Variants in TMC2 observed in about 807,000 individuals in gnomAD.
The protein encoded by TMC2 is transmembrane channel-like protein 2.
In TMC2, 102 loss-of-function variants were observed where a neutral mutation model predicts 105.9. The ratio of observed to expected loss-of-function variants is 0.96; its 90% confidence interval spans 0.82 to 1.14. The LOEUF is 1.14. TMC2 is among the 50% of genes most tolerant of loss of function. The probability of loss-of-function intolerance (pLI) is 0.00; values close to 1 mark genes in which losing one functional copy is unlikely to be tolerated. For synonymous variants in TMC2, 402 were observed against 422.8 expected, an observed-to-expected ratio of 0.95 and a Z score of 0.60; for missense variants, 1,093 against 1,134.3, an observed-to-expected ratio of 0.96 and a Z score of 0.52.
At position 2,608,989 on chromosome 20, in the gene TMC2, A is replaced by T. The variant is rs138123601; in HGVS notation, c.1414-1430A>T. On this transcript the variant is annotated intron_variant, in intron 11 of 19. Transcript: ENST00000358864. Reference sequence around the variant, plus strand: ...TGGAGGAAAGACAAAGGAGAAAACTATTAACTGAATACCTACAATAGACCT... The same window carrying T: ...TGGAGGAAAGACAAAGGAGAAAACTTTTAACTGAATACCTACAATAGACCT... 1.2e-3 allele frequency among the ~76,000 whole-genome samples: 180 copies of T among 152,340 alleles called. 1 individual carries two copies. The highest frequency in any genetic ancestry group is 3.9e-3 in the African/African-American group (164 of 41,588).
At chr20:2,639,920 A>G (rs1216740404) in intron 19 of TMC2, among the ~76,000 whole-genome samples, 1 of 152,190 alleles carries the variant, frequency 6.6e-6, no homozygotes, top group Non-Finnish European at 1.5e-5. Context: ...CTGCACGCAG[A>G]CACTTTAGCC....
intron 17 of TMC2, among the ~76,000 whole-genome samples, chr20:2,625,657 A>G (rs1215464392): frequency 2.0e-5 from 3 of 152,232 alleles, no homozygotes; most frequent in Non-Finnish European, 4.4e-5. Flanking sequence ...AGGGATAGTT[A>G]GGCTGTTTCC....
rs2060025573 is a variant in TMC2 at position 2,558,941 on chromosome 20, G to T, written c.401+167G>T. Among the ~76,000 whole-genome samples the T allele has an allele frequency of 6.6e-6, 1 of 152,172 alleles. No homozygotes were observed. Among genetic ancestry groups the T allele is most frequent in the African/African-American group, 2.4e-5 (1 of 41,454 alleles). ...AGCCCTTACCACTGCCCCACTCTGC[G>T]GTGGGTTCTTCATCCCAGAACCGGG... On this transcript the variant is annotated intron_variant, in intron 3 of 19. Transcript: ENST00000358864. The surrounding 1 kb of genome is among the most constrained non-coding windows in gnomAD (Gnocchi z 4.6).
intron 9 of TMC2, among the ~76,000 whole-genome samples, chr20:2,596,353 C>T (rs539645800): frequency 6.6e-5 from 10 of 152,182 alleles, no homozygotes; most frequent in East Asian, 5.8e-4. Flanking sequence ...AGTACCGGGC[C>T]GGGCGTGGTG....
chr20:2,614,289 G>A (rs2086464476), intron 14 of TMC2, among the ~76,000 whole-genome samples: 1 of 152,130 alleles, frequency 6.6e-6, no homozygotes, highest in African/African-American at 2.4e-5. Flanking sequence ...AAGCATGTGA[G>A]AATATCCAGA....
Position 2,617,331 on chromosome 20 carries a change from C to T in TMC2, c.2180+20C>T, listed in dbSNP as rs759982013. On this transcript the variant is annotated intron_variant, in intron 16 of 19. Coordinates refer to ENST00000358864, the MANE Select transcript of TMC2 (RefSeq NM_080751.3). ...GTTCAGGTGCAGAGTCTCAGTTGCC[C>T]GGGAGCACCTCCCCTCCCGAGGCAG... 6.2e-6 allele frequency: 10 copies of T among 1,613,664 alleles called. No homozygotes were observed. Among genetic ancestry groups the T allele is most frequent in the South Asian group, 3.3e-5 (3 of 91,054 alleles).
At chr20:2,598,043 G>T (rs1464658639) in intron 10 of TMC2, among the ~76,000 whole-genome samples, 2 of 152,164 alleles carry the variant, frequency 1.3e-5, no homozygotes, top group Non-Finnish European at 2.9e-5. Flanking sequence ...CTCCCCAAGT[G>T]ATTAGAATAC....
intron 10 of TMC2, among the ~76,000 whole-genome samples, chr20:2,601,045 A>AC (rs1353179223): frequency 4.6e-5 from 7 of 151,610 alleles, no homozygotes; most frequent in African/African-American, 1.7e-4. Context: ...ATCCAAAAAA[A>AC]ACCCATAAAA....
At chr20:2,607,600 T>C (rs889172036) in intron 11 of TMC2, among the ~76,000 whole-genome samples, 11 of 152,238 alleles carry the variant, frequency 7.2e-5, no homozygotes, top group African/African-American at 2.7e-4. Context: ...TTAGCCATTT[T>C]GACATCCTCC....
intron 12 of TMC2, among the ~76,000 whole-genome samples, chr20:2,611,257 C>T (rs2086435970): frequency 6.6e-6 from 1 of 152,132 alleles, no homozygotes. Context: ...AAAGGAGGGC[C>T]CGATGATGCT....
rs146379281 is a variant in TMC2 at position 2,606,322 on chromosome 20, C to T, written c.1413+4021C>T. Among the ~76,000 whole-genome samples the T allele has an allele frequency of 2.8e-3, 423 of 152,272 alleles. 2 individuals are homozygous for T. The highest frequency in any genetic ancestry group is 0.014 in the Admixed American group (211 of 15,294). ...TCACCCAGGCTGGAGTGCAGTGGCA[C>T]GATCTTGGCTCACTGCAACCTCCAC... is the stretch of plus-strand genomic sequence containing the variant. On this transcript the variant is annotated intron_variant, in intron 11 of 19. Coordinates refer to ENST00000358864, the MANE Select transcript of TMC2 (RefSeq NM_080751.3).
intron 7 of TMC2, among the ~76,000 whole-genome samples, chr20:2,583,471 T>TG (rs1459734246): frequency 5.3e-5 from 8 of 151,862 alleles, no homozygotes; most frequent in Admixed American, 2.6e-4. Context: ...CACTTTTTTT[T>TG]TTTTTTTTTG....
chr20:2,569,027 TC>T (rs764090415), intron 4 of TMC2, among the ~76,000 whole-genome samples: 1 of 152,134 alleles, frequency 6.6e-6, no homozygotes, highest in African/African-American at 2.4e-5. Flanking sequence ...AACACCTTCT[TC>T]CATCTGCCCT....
At chr20:2,596,331 G>C (rs2086306319) in intron 9 of TMC2, among the ~76,000 whole-genome samples, 1 of 152,138 alleles carries the variant, frequency 6.6e-6, no homozygotes, top group African/African-American at 2.4e-5. Flanking sequence ...TGATGGTTTT[G>C]CAATTAAAAG....
In TMC2 at chr20:2,594,828, T is replaced by C; in HGVS notation, c.937T>C (p.Tyr313His). The change falls in exon 9 of 20, where the codon TAT becomes CAT. Residue 313 changes from tyrosine to histidine, a missense_variant. Transcript: ENST00000358864. ...ATTTGGCTTTGCTGTCCCCCAGGGC[T>C]ATATCAAGTACTCTGCACTCTTCTA... ...DFSVLWDFEG[Y>H]IKYSALFYGY... The C allele has an allele frequency of 6.2e-7, 1 of 1,614,014 alleles. No homozygotes were observed. The highest frequency in any genetic ancestry group is 8.5e-7 in the Non-Finnish European group (1 of 1,179,944).
chr20:2,544,890 T>C (rs953976775), intron 2 of TMC2, among the ~76,000 whole-genome samples: 2 of 151,852 alleles, frequency 1.3e-5, no homozygotes, highest in African/African-American at 4.8e-5. Flanking sequence ...CAAGACTCCA[T>C]CTCTACAAAA....
chr20:2,638,523 C>T (rs957841659), intron 19 of TMC2, among the ~76,000 whole-genome samples: 3 of 151,922 alleles, frequency 2.0e-5, no homozygotes, highest in Non-Finnish European at 2.9e-5. Context: ...AAAACAGCCT[C>T]AGGCAGGTCC....
intron 2 of TMC2, among the ~76,000 whole-genome samples, chr20:2,545,764 G>A (rs1477287600): frequency 1.3e-5 from 2 of 149,102 alleles, no homozygotes; most frequent in African/African-American, 5.0e-5. Flanking sequence ...AGAAGACGAG[G>A]AAGAAGAAGA....
At chr20:2,630,191 G>C (rs2086593758) in intron 17 of TMC2, among the ~76,000 whole-genome samples, 1 of 152,176 alleles carries the variant, frequency 6.6e-6, no homozygotes, top group Admixed American at 6.5e-5. Flanking sequence ...TCAAGGCTCA[G>C]GAAAAGGAGT....
Sources: allele counts gnomAD v4.1 joint callset (sites outside exome capture counted in the v4.1 genomes callset), GRCh38; gene constraint gnomAD v4.1.1; non-coding constraint Gnocchi (gnomAD v3.1); transcripts MANE v1.5; gene names NCBI Gene and HGNC (gene_info 2026-07-23, HGNC 2026-07-21).